Variants in ATPAF2 observed in about 807,000 individuals in gnomAD.
ATPAF2 encodes the protein ATP12 homolog.
Under a neutral mutation model 36.6 loss-of-function variants are expected in ATPAF2, and 30 were observed. The observed-to-expected ratio is 0.82, with a 90% CI of 0.61 to 1.11. The LOEUF (loss-of-function observed/expected upper bound fraction) is 1.11. ATPAF2 is among the 50% of genes most tolerant of loss of function. The probability of loss-of-function intolerance (pLI) is 0.00; values close to 1 mark genes in which losing one functional copy is unlikely to be tolerated. For synonymous variants in ATPAF2, 140 were observed against 152.6 expected (o/e 0.92, Z 0.61); for missense variants, 321 against 372.3 (o/e 0.86, Z 1.13).
intron 3 of ATPAF2, among the ~76,000 whole-genome samples, chr17:18,027,397 A>C (rs898338192): frequency 1.3e-5 from 2 of 152,106 alleles, no homozygotes; most frequent in Admixed American, 6.5e-5. Context: ...GCAAAGGTTG[A>C]GCACAGCAGC....
chr17:18,038,541 G>C (rs958097211), intron 1 of ATPAF2, among the ~76,000 whole-genome samples: 3 of 152,228 alleles, frequency 2.0e-5, no homozygotes, highest in African/African-American at 7.2e-5. Flanking sequence ...GAGAGAGTCT[G>C]CCTGTAACCC....
At chr17:18,030,953 G>A (rs1443222520) in intron 1 of ATPAF2, among the ~76,000 whole-genome samples, 1 of 134,774 alleles carries the variant, frequency 7.4e-6, no homozygotes, top group Non-Finnish European at 1.5e-5. Flanking sequence ...GATTGCAGGC[G>A]TGAGCCACCG....
intron 5 of ATPAF2, among the ~76,000 whole-genome samples, chr17:18,023,695 A>G (rs1022589275): frequency 1.3e-5 from 2 of 152,224 alleles, no homozygotes; most frequent in Non-Finnish European, 2.9e-5. Flanking sequence ...TTTAAGACCC[A>G]AGGACACCTG....
downstream of ATPAF2, chr17:18,016,504 A>C: frequency 7.8e-7 from 1 of 1,289,572 alleles, no homozygotes; most frequent in Non-Finnish European, 1.1e-6. Context: ...ATTCAGTGAA[A>C]GATATTAACC....
At chr17:18,036,491 G>A (rs898072737) in intron 1 of ATPAF2, among the ~76,000 whole-genome samples, 3 of 151,762 alleles carry the variant, frequency 2.0e-5, no homozygotes, top group Admixed American at 1.3e-4. Context: ...CAGGAGAATG[G>A]CGTGAACCCG....
chr17:18,022,007 G>T, intron 5 of ATPAF2, 150 bp from the exon 6 acceptor site: 1 of 713,792 alleles, frequency 1.4e-6, no homozygotes. Context: ...TGCCACCATG[G>T]TCAGTGGCCT....
rs115801496 is a variant in ATPAF2 at position 18,022,114 on chromosome 17, G to A, written c.504-257C>T. ...TCCTGAGTCATGTGAGCTAGGGCTC[G>A]GTTATACGCAGCTGCCTGAAATGCT... On this transcript the variant is annotated intron_variant, in intron 5 of 7. Transcript: ENST00000474627. 2.7e-3 allele frequency among the ~76,000 whole-genome samples: 410 copies of A among 152,290 alleles called. 3 individuals carry two copies. Among genetic ancestry groups the A allele is most frequent in the African/African-American group, 9.2e-3 (383 of 41,546 alleles).
intron 6 of ATPAF2, 150 bp downstream of exon 6, chr17:18,021,595 A>G (rs2044469331): frequency 3.9e-6 from 3 of 763,980 alleles, no homozygotes; most frequent in Non-Finnish European, 7.1e-6. Context: ...GTGATTGGCT[A>G]GCATCAGAGC....
chr17:18,019,186 C>CACACACACACACACACACACA (rs71155310), intron 7 of ATPAF2, among the ~76,000 whole-genome samples: 3 of 147,028 alleles, frequency 2.0e-5, no homozygotes, highest in Admixed American at 6.8e-5. Flanking sequence ...CACACACACA[C>CACACACACACACACACACACA]CCCACCACCC....
At chr17:18,016,460 C>A (rs575842834), downstream of ATPAF2, 1,573 of 922,428 alleles carry the variant, frequency 1.7e-3, 3 homozygotes, top group Non-Finnish European at 1.9e-3. Flanking sequence ...GTTTGCAGAT[C>A]TAAAGGAACT....
chr17:18,032,513 A>G (rs1024356391), intron 1 of ATPAF2, among the ~76,000 whole-genome samples: 9 of 152,242 alleles, frequency 5.9e-5, no homozygotes, highest in African/African-American at 2.2e-4. Context: ...CAGGCCTCAG[A>G]TTAGAAGGCA....
intron 1 of ATPAF2, among the ~76,000 whole-genome samples, chr17:18,037,582 C>CA (rs772790575): frequency 1.3e-5 from 2 of 150,452 alleles, no homozygotes; most frequent in African/African-American, 2.4e-5. Flanking sequence ...GACTCCGTCT[C>CA]AAAAAAACAC....
At chr17:18,021,416 T>C (rs2044467228) in intron 6 of ATPAF2, 178 bp from the exon 7 acceptor site, 1 of 679,590 alleles carries the variant, frequency 1.5e-6, no homozygotes, top group Non-Finnish European at 2.7e-6. Flanking sequence ...CCTCCTCTGC[T>C]CTTACCTAGT....
intron 4 of ATPAF2, chr17:18,024,982 G>C: frequency 2.1e-6 from 1 of 469,554 alleles, no homozygotes; most frequent in Admixed American, 3.4e-5. Flanking sequence ...CCCTCTAGGG[G>C]ATTCTAGTGT....
At chr17:18,031,123 C>A (rs967284909) in intron 1 of ATPAF2, among the ~76,000 whole-genome samples, 2 of 151,054 alleles carry the variant, frequency 1.3e-5, no homozygotes, top group Non-Finnish European at 2.9e-5. Flanking sequence ...CAGGTGCCTG[C>A]CACCACGCCT....
intron 1 of ATPAF2, among the ~76,000 whole-genome samples, chr17:18,034,969 G>C (rs931007933): frequency 1.3e-5 from 2 of 152,188 alleles, no homozygotes; most frequent in African/African-American, 2.4e-5. Flanking sequence ...GGTCATGGTG[G>C]CTCACTCCTG....
chr17:18,017,267 A>G (rs187602653), downstream of ATPAF2, among the ~76,000 whole-genome samples: 64 of 151,064 alleles, frequency 4.2e-4, no homozygotes, highest in Non-Finnish European at 8.6e-4. Context: ...AGGCCAGCTG[A>G]CAGAGCAACT....
chr17:18,019,133 C>G (rs1194604865), intron 7 of ATPAF2, among the ~76,000 whole-genome samples: 5 of 138,138 alleles, frequency 3.6e-5, no homozygotes, highest in Non-Finnish European at 6.1e-5. Context: ...GAGCAAGACC[C>G]TGTCTCAAAA....
At position 18,024,633 on chromosome 17, in the gene ATPAF2, GC is replaced by G. The variant is rs1568570474; in HGVS notation, c.493del (p.Ala165LeufsTer15). 6.2e-7 allele frequency: 1 copy of G among 1,613,792 alleles called. No homozygotes were observed. Among genetic ancestry groups the G allele is most frequent in the South Asian group, 1.1e-5 (1 of 91,068 alleles). ...GGGCTGTACATCTTACCTTTTCTCA[GC>G]CCATTCGATGATTGGATCCCACTCA... ...RNEWDPIIEW[A>X]EKRYGVEISS... On this transcript the variant is annotated frameshift_variant, in exon 5 of 8. Coordinates refer to ENST00000474627, the MANE Select transcript of ATPAF2 (RefSeq NM_145691.4). LOFTEE classifies it high-confidence loss of function.
Sources: gnomAD v4.1 joint callset for allele counts (sites outside exome capture counted in the v4.1 genomes callset) on GRCh38, gnomAD v4.1.1 for gene constraint, MANE v1.5 for transcripts, NCBI Gene and HGNC (gene_info 2026-07-23, HGNC 2026-07-21) for gene names.